Variants in CALCOCO2 observed in about 807,000 individuals in gnomAD.
CALCOCO2 encodes calcium binding and coiled-coil domain 2.
A neutral mutation model predicts 62.5 loss-of-function variants in CALCOCO2; 42 were observed. The observed-to-expected ratio is 0.67, with a 90% CI of 0.53 to 0.87. The LOEUF is 0.87. Among genes scored for constraint, CALCOCO2 ranks in the 40% least tolerant of loss-of-function variants. The probability of loss-of-function intolerance (pLI) is 0.00; values close to 1 mark genes in which losing one functional copy is unlikely to be tolerated. For synonymous variants in CALCOCO2, 167 were observed against 173.0 expected (o/e 0.97, Z 0.27); for missense variants, 456 against 515.0 (o/e 0.89, Z 1.11).
At chr17:48,856,479 C>T (rs1303744594) in intron 10 of CALCOCO2, 9 of 473,734 alleles carry the variant, frequency 1.9e-5, no homozygotes, top group Non-Finnish European at 3.8e-5. Context: ...ATATATGTTG[C>T]CTTGGGGGAT....
intron 10 of CALCOCO2, among the ~76,000 whole-genome samples, chr17:48,857,978 A>AATT (rs1567758982): frequency 0.014 from 342 of 23,878 alleles, 10 homozygotes; most frequent in African/African-American, 0.025. Context: ...CTACATCAAT[A>AATT]GAATAGAATA....
At chr17:48,834,036 G>C (rs540802853) in intron 1 of CALCOCO2, among the ~76,000 whole-genome samples, 2 of 144,516 alleles carry the variant, frequency 1.4e-5, no homozygotes, top group Non-Finnish European at 3.0e-5. Context: ...AGGATTGCTT[G>C]AGCCAGGGAT....
intron 2 of CALCOCO2, chr17:48,846,406 G>A (rs2040053741): frequency 1.1e-6 from 1 of 890,628 alleles, no homozygotes; most frequent in African/African-American, 1.7e-5. Context: ...CCTTCCCTCA[G>A]TGTATAATCC....
chr17:48,858,057 A>AATAGAATAGG (rs1567759596), intron 10 of CALCOCO2, among the ~76,000 whole-genome samples: 10 of 139,612 alleles, frequency 7.2e-5, no homozygotes, highest in African/African-American at 2.4e-4. Flanking sequence ...AATAGAATAG[A>AATAGAATAGG]ATAGAATAGA....
rs754548944 is a variant in CALCOCO2, at chr17:48,863,083, A to C, written c.*78A>C. 1.3e-5 allele frequency: 14 copies of C among 1,076,902 alleles called. No homozygotes were observed. Among genetic ancestry groups the C allele is most frequent in the Non-Finnish European group, 2.0e-5 (14 of 693,776 alleles). The allele number at this position is 1,076,902 out of a possible 1,614,324, so 66.7% of individuals were successfully genotyped here. A position where few individuals can be genotyped will look rare whatever the true frequency, so the allele number is the denominator to read the frequency against. The stretch of plus-strand genomic sequence containing the variant: ...CTTCTACCATGAGTTATATGAGTCA[A>C]GATCCTGCCTAACCTGAAATTATTA... On this transcript the variant is annotated 3_prime_UTR_variant, in exon 13 of 13. Coordinates refer to ENST00000258947, the MANE Select transcript of CALCOCO2 (RefSeq NM_005831.5).
chr17:48,841,320 G>A (rs2039971808), intron 1 of CALCOCO2, among the ~76,000 whole-genome samples: 12 of 152,124 alleles, frequency 7.9e-5, no homozygotes, highest in Admixed American at 7.9e-4. Context: ...CTTTCCTAAA[G>A]TCATAGGGCT....
intron 1 of CALCOCO2, among the ~76,000 whole-genome samples, chr17:48,835,082 T>G (rs2039873092): frequency 6.6e-6 from 1 of 151,876 alleles, no homozygotes; most frequent in African/African-American, 2.4e-5. Context: ...ATATCTTCCC[T>G]CCCCTGTCCA....
intron 1 of CALCOCO2, among the ~76,000 whole-genome samples, chr17:48,840,739 T>C (rs1255579351): frequency 6.6e-6 from 1 of 152,228 alleles, no homozygotes; most frequent in Non-Finnish European, 1.5e-5. Flanking sequence ...GAGAGCATTT[T>C]GCACTTCTTA....
intron 9 of CALCOCO2, among the ~76,000 whole-genome samples, chr17:48,853,970 C>G (rs2040168457): frequency 6.6e-6 from 1 of 152,096 alleles, no homozygotes; most frequent in East Asian, 1.9e-4. Context: ...TCTCTATAGG[C>G]ACATTCCAGT....
rs1249934782 is a variant in CALCOCO2, at chr17:48,865,103, A to C, written c.*2098A>C. ...AGGAGCCCTTCCACAGGGCTTGGTA[A>C]AAAAACCAGTTGAGGTGTTAATGAC... On this transcript the variant is annotated 3_prime_UTR_variant, in exon 13 of 13. Coordinates refer to ENST00000258947, the MANE Select transcript of CALCOCO2 (RefSeq NM_005831.5). The C allele has an allele frequency of 6.6e-6, 1 of 152,202 alleles. No homozygotes were observed. The highest frequency in any genetic ancestry group is 2.4e-5 in the African/African-American group (1 of 41,458). 9.4% of individuals were successfully genotyped at this position (152,202 alleles called of 1,614,324 possible). A position where few individuals can be genotyped will look rare whatever the true frequency, so the allele number is the denominator to read the frequency against.
rs2040061168 is a variant in CALCOCO2, at chr17:48,846,966, C to T, written c.181-1098C>T. Reference sequence around the variant, plus strand: ...TTTGAGCAATCTTTTACCCCCTTCACATTTGTGAGAATATTTTCCACTTAG... The same window carrying T: ...TTTGAGCAATCTTTTACCCCCTTCATATTTGTGAGAATATTTTCCACTTAG... On this transcript the variant is annotated intron_variant, in intron 2 of 12. Transcript: ENST00000258947. 2.6e-5 allele frequency among the ~76,000 whole-genome samples: 4 copies of T among 152,176 alleles called. No homozygotes were observed. In the South Asian group the frequency reaches 8.3e-4, roughly 32 times the overall value.
chr17:48,842,031 T>C lies in CALCOCO2; in HGVS notation c.180+144T>C. 3 of 515,134 alleles carry C rather than the reference T, an allele frequency of 5.8e-6. No homozygotes were observed. In the South Asian group the frequency reaches 1.1e-4, roughly 19 times the overall value. 31.9% of individuals were successfully genotyped at this position (515,134 alleles called of 1,614,324 possible). A position where few individuals can be genotyped will look rare whatever the true frequency, so the allele number is the denominator to read the frequency against. On this transcript the variant is annotated intron_variant, in intron 2 of 12. Coordinates refer to ENST00000258947, the MANE Select transcript of CALCOCO2 (RefSeq NM_005831.5). ...TTCTAGCCAAGCTCCACAGCACTTC[T>C]CTCTTCACACATTAATGTGTGCTGT...
In CALCOCO2 at chr17:48,849,380, A is replaced by G. The variant is rs201976880; in HGVS notation, c.543+3A>G. The G allele has an allele frequency of 3.7e-6, 6 of 1,612,740 alleles. No individual in the cohort carries two copies. Among genetic ancestry groups the G allele is most frequent in the East Asian group, 4.5e-5 (2 of 44,874 alleles). On this transcript the variant is annotated splice_donor_region_variant and intron_variant, in intron 5 of 12. Coordinates refer to ENST00000258947, the MANE Select transcript of CALCOCO2 (RefSeq NM_005831.5). Reference sequence around the variant, plus strand: ...AGGCTGAGCTCCAAAAGAAGCAGGTATGGCTGCTGGTTATAGGTGACCTTG... The same window carrying G: ...AGGCTGAGCTCCAAAAGAAGCAGGTGTGGCTGCTGGTTATAGGTGACCTTG...
At chr17:48,845,042 A>G (rs1324570234) in intron 2 of CALCOCO2, among the ~76,000 whole-genome samples, 1 of 152,112 alleles carries the variant, frequency 6.6e-6, no homozygotes, top group African/African-American at 2.4e-5. Context: ...AGGCTGAGGC[A>G]GGAGAATTGC....
rs367595425 is a variant in CALCOCO2 at position 48,861,659 on chromosome 17, G to GTATATATATATATATATATA, written c.1145-616_1145-615insATATATATATATATATATAT. Among the ~76,000 whole-genome samples, 550 of 135,132 alleles carry GTATATATATATATATATATA rather than the reference G, an allele frequency of 4.1e-3. 27 individuals are homozygous for GTATATATATATATATATATA. Among genetic ancestry groups the GTATATATATATATATATATA allele is most frequent in the African/African-American group, 0.016 (523 of 31,906 alleles). The allele number at this position is 135,132 out of a possible 152,430, so 88.7% of individuals were successfully genotyped here. On this transcript the variant is annotated intron_variant, in intron 11 of 12. Transcript: ENST00000258947. ...TATATGTATATATATATATGTGTGT[G>GTATATATATATATATATATA]TGTATATATATATATATAAAGCCTG...
At chr17:48,834,836 C>A (rs1294770964) in intron 1 of CALCOCO2, among the ~76,000 whole-genome samples, 2 of 152,112 alleles carry the variant, frequency 1.3e-5, no homozygotes, top group Admixed American at 1.3e-4. Flanking sequence ...TTGCTTGAGT[C>A]CAGGAATTCA....
At position 48,851,120 on chromosome 17, in the gene CALCOCO2, A is replaced by G. The variant is rs1224713273; in HGVS notation, c.575A>G (p.Lys192Arg). The G allele has an allele frequency of 8.1e-6, 13 of 1,609,952 alleles. No individual in the cohort carries two copies. Among genetic ancestry groups the G allele is most frequent in the Non-Finnish European group, 1.1e-5 (13 of 1,176,376 alleles). The change falls in exon 6 of 13, where the codon AAG becomes AGG. Residue 192 changes from lysine to arginine, a missense_variant. Physicochemically the swap from Lys to Arg is conservative, Grantham distance 26. Around this residue, in one of 3 missense-constraint regions of CALCOCO2, gnomAD observed 236 missense variants for 225.3 expected, o/e 1.05. Coordinates refer to ENST00000258947, the MANE Select transcript of CALCOCO2 (RefSeq NM_005831.5). ...EELETLQSIN[K>R]KLELKVKEQK... The stretch of plus-strand genomic sequence containing the variant: ...CTAGAAACCCTACAGAGCATCAATA[A>G]GAAGTTGGAACTGAAAGTGAAAGAA...
At chr17:48,854,153 G>A (rs868152958) in intron 9 of CALCOCO2, among the ~76,000 whole-genome samples, 4 of 149,920 alleles carry the variant, frequency 2.7e-5, no homozygotes, top group Admixed American at 1.3e-4. Flanking sequence ...CCGTCTCTAC[G>A]AAAAATACAA....
chr17:48,864,455 C>T lies in CALCOCO2; in HGVS notation c.*1450C>T, dbSNP rs7222365. On this transcript the variant is annotated 3_prime_UTR_variant, in exon 13 of 13. Transcript: ENST00000258947. The stretch of plus-strand genomic sequence containing the variant: ...CACCCTTTGTGAACTAAGTTCAATG[C>T]GCTCTATCCAAATTTGCCTAATTGA... The T allele has an allele frequency of 0.11, 17,524 of 154,134 alleles. 1,798 individuals carry two copies. Among genetic ancestry groups the T allele is most frequent in the African/African-American group, 0.28 (11,630 of 41,532 alleles). 9.5% of individuals were successfully genotyped at this position (154,134 alleles called of 1,614,324 possible).
Sources: allele counts gnomAD v4.1 joint callset (sites outside exome capture counted in the v4.1 genomes callset), GRCh38; gene constraint gnomAD v4.1.1; regional missense constraint gnomAD v4.1.1; transcripts MANE v1.5; gene names NCBI Gene and HGNC (gene_info 2026-07-23, HGNC 2026-07-21).